The following CLYBL variants were observed in gnomAD, a reference collection of about 807,000 sequenced individuals.
CLYBL encodes the protein citramalyl-CoA lyase, mitochondrial.
A neutral mutation model predicts 38.9 loss-of-function variants in CLYBL; 31 were observed. The ratio of observed to expected loss-of-function variants is 0.80; its 90% CI spans 0.60 to 1.08. The LOEUF is 1.08. CLYBL is among the 50% of genes least tolerant of loss of function. The pLI is 0.00. For missense variants in CLYBL, 434 were observed against 411.6 expected, an observed-to-expected ratio of 1.05 and a Z score of -0.47; for synonymous variants, 171 against 158.6, an observed-to-expected ratio of 1.08 and a Z score of -0.59.
chr13:99,646,028 C>T (rs1434566630), intron 1 of CLYBL, among the ~76,000 whole-genome samples: 1 of 152,100 alleles, frequency 6.6e-6, no homozygotes, highest in Non-Finnish European at 1.5e-5. Flanking sequence ...TTGCCATGAA[C>T]ATGCTATTAA....
At chr13:99,658,920 T>A (rs2047369683) in intron 1 of CLYBL, among the ~76,000 whole-genome samples, 1 of 152,196 alleles carries the variant, frequency 6.6e-6, no homozygotes, top group Non-Finnish European at 1.5e-5. Context: ...CCTTTGATGC[T>A]GCTGTTTCCT....
At chr13:99,690,631 C>T (rs187251571) in intron 1 of CLYBL, 7 of 152,242 alleles carry the variant, frequency 4.6e-5, no homozygotes, top group Admixed American at 4.6e-4. Context: ...GCTGCCCTTC[C>T]GAGGATGCTG....
intron 1 of CLYBL, among the ~76,000 whole-genome samples, chr13:99,697,302 G>C (rs2047994679): frequency 6.6e-6 from 1 of 152,180 alleles, no homozygotes; most frequent in Non-Finnish European, 1.5e-5. Context: ...AATGTCACTA[G>C]CTTTTGATTT....
intron 2 of CLYBL, among the ~76,000 whole-genome samples, chr13:99,811,683 C>T (rs1032969219): frequency 2.0e-5 from 3 of 152,312 alleles, no homozygotes; most frequent in Admixed American, 2.0e-4. Flanking sequence ...CCCACACGAC[C>T]TCCAGCTGCC....
At chr13:99,684,405 A>G (rs2047787945) in intron 1 of CLYBL, among the ~76,000 whole-genome samples, 1 of 152,068 alleles carries the variant, frequency 6.6e-6, no homozygotes, top group South Asian at 2.1e-4. Context: ...GCACTGTGGT[A>G]TATTTGGTCT....
chr13:99,895,083 G>T (rs898408394), downstream of CLYBL: 2 of 152,152 alleles, frequency 1.3e-5, no homozygotes, highest in Non-Finnish European at 2.9e-5. Flanking sequence ...ATTTCGCTGG[G>T]CAGATAGAAC....
chr13:99,634,243 C>T (rs1221335672), intron 1 of CLYBL, among the ~76,000 whole-genome samples: 2 of 152,280 alleles, frequency 1.3e-5, no homozygotes, highest in Non-Finnish European at 2.9e-5. Context: ...CAGGGTTCTA[C>T]GTCCAGCAAA....
chr13:99,762,001 T>C (rs1009784830), intron 1 of CLYBL, among the ~76,000 whole-genome samples: 1 of 152,258 alleles, frequency 6.6e-6, no homozygotes, highest in Non-Finnish European at 1.5e-5. Context: ...TTGTCTGTTT[T>C]TAAATTGGAT....
At chr13:99,777,755 A>C (rs1304621272) in intron 2 of CLYBL, among the ~76,000 whole-genome samples, 2 of 152,110 alleles carry the variant, frequency 1.3e-5, no homozygotes, top group Non-Finnish European at 2.9e-5. Context: ...AGCCTCCCAA[A>C]GTGCTGGGAT....
chr13:99,674,445 C>T (rs1050695796), intron 1 of CLYBL, among the ~76,000 whole-genome samples: 3 of 151,866 alleles, frequency 2.0e-5, no homozygotes, highest in African/African-American at 7.3e-5. Flanking sequence ...CCACCATGCC[C>T]AGCTGATAGC....
intron 2 of CLYBL, among the ~76,000 whole-genome samples, chr13:99,786,323 A>G (rs1317604429): frequency 6.6e-6 from 1 of 151,130 alleles, no homozygotes; most frequent in Non-Finnish European, 1.5e-5. Context: ...TGTCATTTAC[A>G]TTAGGTATAT....
intron 7 of CLYBL, among the ~76,000 whole-genome samples, chr13:99,880,219 C>T (rs1281508055): frequency 6.6e-6 from 1 of 151,806 alleles, no homozygotes; most frequent in Non-Finnish European, 1.5e-5. Flanking sequence ...AGGCGCATGC[C>T]ACTATGCCCG....
At chr13:99,893,738 C>G (rs990683300), downstream of CLYBL, 4 of 152,506 alleles carry the variant, frequency 2.6e-5, no homozygotes, top group African/African-American at 4.8e-5. Context: ...CCTCCTGTCC[C>G]CAGCCAAGGA....
At chr13:99,683,872 A>T (rs186779436) in intron 1 of CLYBL, among the ~76,000 whole-genome samples, 13,022 of 144,080 alleles carry the variant, frequency 0.09, 684 homozygotes, top group Non-Finnish European at 0.12. Flanking sequence ...TATATATAAA[A>T]TTTTTTTTTT....
downstream of CLYBL, among the ~76,000 whole-genome samples, chr13:99,898,965 G>A (rs2052612530): frequency 6.6e-6 from 1 of 152,202 alleles, no homozygotes; most frequent in Admixed American, 6.5e-5. Context: ...TGTGGAAAAT[G>A]TATTCATTAA....
At chr13:99,609,792 G>T (rs1178973124) in intron 1 of CLYBL, among the ~76,000 whole-genome samples, 1 of 152,138 alleles carries the variant, frequency 6.6e-6, no homozygotes, top group East Asian at 1.9e-4. Flanking sequence ...TGCCTCTGTC[G>T]CTCATAGTAT....
At chr13:99,838,097 A>C (rs2050981663) in intron 2 of CLYBL, among the ~76,000 whole-genome samples, 1 of 152,166 alleles carries the variant, frequency 6.6e-6, no homozygotes, top group Non-Finnish European at 1.5e-5. Flanking sequence ...TGCATAAGTA[A>C]TTATATATTA....
At chr13:99,866,526 G>C in intron 6 of CLYBL, 119 bp downstream of exon 6, 2 of 795,080 alleles carry the variant, frequency 2.5e-6, no homozygotes, top group Non-Finnish European at 3.8e-6. Context: ...TCCACTATTT[G>C]AAATATGAGC....
chr13:99,689,002 T>TC (rs2047859593), intron 1 of CLYBL, among the ~76,000 whole-genome samples: 4 of 152,128 alleles, frequency 2.6e-5, no homozygotes, highest in Admixed American at 1.3e-4. Context: ...GTTTTCCAGG[T>TC]CTGCCCACTC....
Sources: gnomAD v4.1 joint callset for allele counts (sites outside exome capture counted in the v4.1 genomes callset) on GRCh38, gnomAD v4.1.1 for gene constraint, MANE v1.5 for transcripts, NCBI Gene and HGNC (gene_info 2026-07-23, HGNC 2026-07-21) for gene names.